The following NELL2 variants were observed in gnomAD, a reference collection of about 807,000 sequenced individuals.
NELL2 encodes the protein protein kinase C-binding protein NELL2.
NELL2 carries 41 observed loss-of-function variants against 109.6 expected under a neutral mutation model. The observed-to-expected ratio is 0.37, with a 90% CI of 0.29 to 0.49. NELL2 has a LOEUF of 0.49. Among genes scored for constraint, NELL2 ranks in the 20% least tolerant of loss-of-function variants. The pLI, the probability that NELL2 is intolerant of heterozygous loss-of-function variation, is 0.98. For synonymous variants in NELL2, 355 were observed against 344.7 expected, an observed-to-expected ratio of 1.03 and a Z score of -0.33; for missense variants, 900 against 1,008.3, an observed-to-expected ratio of 0.89 and a Z score of 1.45.
chr12:44,638,659 TG>T (rs1946736936), intron 13 of NELL2, among the ~76,000 whole-genome samples: 1 of 152,186 alleles, frequency 6.6e-6, no homozygotes, highest in African/African-American at 2.4e-5. Context: ...AACTCTTTTG[TG>T]GGTAAACTGA....
At chr12:44,509,645 G>C (rs907717448) in intron 19 of NELL2, among the ~76,000 whole-genome samples, 53 of 152,154 alleles carry the variant, frequency 3.5e-4, no homozygotes, top group African/African-American at 1.2e-3. Context: ...GGAGATACCA[G>C]ATCTGCCAGG....
Position 44,736,252 on chromosome 12 carries a change from G to A in NELL2, c.995-21511C>T, listed in dbSNP as rs545249376. Among the ~76,000 whole-genome samples, 349 of 151,748 alleles carry A rather than the reference G, an allele frequency of 2.3e-3. 1 individual carries two copies. The highest frequency in any genetic ancestry group is 4.0e-3 in the Non-Finnish European group (271 of 67,928). ...TCTCAATCTCCTGACCTCGTGATCC[G>A]CCCGTCTCGGCCTCCCAAAGTGCTG... On this transcript the variant is annotated intron_variant, in intron 9 of 19. Coordinates refer to ENST00000429094, the MANE Select transcript of NELL2 (RefSeq NM_001145108.2).
At chr12:44,523,167 A>G (rs1294269910) in intron 17 of NELL2, 124 bp downstream of exon 17, 2 of 936,782 alleles carry the variant, frequency 2.1e-6, no homozygotes, top group Admixed American at 4.0e-5. Context: ...GTTCTGTTAT[A>G]TTAATTGTGA....
intron 2 of NELL2, among the ~76,000 whole-genome samples, chr12:44,827,893 T>C (rs1592612597): frequency 6.6e-6 from 1 of 152,182 alleles, no homozygotes; most frequent in East Asian, 1.9e-4. Context: ...TCCAAACCAT[T>C]CTCCATAGTG....
intron 10 of NELL2, among the ~76,000 whole-genome samples, chr12:44,714,210 A>T (rs1478895361): frequency 6.6e-6 from 1 of 152,008 alleles, no homozygotes; most frequent in Non-Finnish European, 1.5e-5. Flanking sequence ...TTCCAAAGGG[A>T]ATTAGATAAA....
At chr12:44,605,393 C>G (rs1344890360) in intron 15 of NELL2, among the ~76,000 whole-genome samples, 1 of 152,104 alleles carries the variant, frequency 6.6e-6, no homozygotes, top group Non-Finnish European at 1.5e-5. Flanking sequence ...ATAAACAGTA[C>G]AACTAAATTT....
At chr12:44,884,040 T>C (rs758103424) in intron 1 of NELL2, among the ~76,000 whole-genome samples, 6 of 151,680 alleles carry the variant, frequency 4.0e-5, no homozygotes, top group Non-Finnish European at 8.8e-5. Context: ...CAGAAGGAAT[T>C]TGAAAAATAT....
intron 15 of NELL2, among the ~76,000 whole-genome samples, chr12:44,603,899 C>G (rs1404108215): frequency 1.3e-5 from 2 of 152,106 alleles, no homozygotes; most frequent in African/African-American, 4.8e-5. Context: ...TCAGTGATTC[C>G]ACTGTGATGG....
intron 15 of NELL2, among the ~76,000 whole-genome samples, chr12:44,606,251 T>C (rs765521357): frequency 6.6e-6 from 1 of 152,130 alleles, no homozygotes; most frequent in African/African-American, 2.4e-5. Flanking sequence ...AGCAGAACAT[T>C]TTCTGTCTCA....
At chr12:44,577,962 A>G (rs1944173283) in intron 15 of NELL2, among the ~76,000 whole-genome samples, 1 of 152,170 alleles carries the variant, frequency 6.6e-6, no homozygotes, top group Non-Finnish European at 1.5e-5. Context: ...TGAAGTCCTC[A>G]CATGCTATAG....
chr12:44,655,350 G>A (rs6582513), intron 13 of NELL2, among the ~76,000 whole-genome samples: 3,226 of 152,234 alleles, frequency 0.021, 126 homozygotes, highest in African/African-American at 0.073. Context: ...TAAAGGCTCT[G>A]ACAAGCCTAA....
At chr12:44,863,223 C>T (rs1479552004) in intron 2 of NELL2, among the ~76,000 whole-genome samples, 1 of 151,918 alleles carries the variant, frequency 6.6e-6, no homozygotes, top group Non-Finnish European at 1.5e-5. Flanking sequence ...TGTTAGTTTG[C>T]TGAGAATGAT....
intron 2 of NELL2, among the ~76,000 whole-genome samples, chr12:44,873,980 G>T (rs1945240728): frequency 6.6e-6 from 1 of 152,064 alleles, no homozygotes; most frequent in African/African-American, 2.4e-5. Flanking sequence ...TTTTAAGCCA[G>T]AAAATTGCAT....
At chr12:44,886,355 ACTT>A (rs1471214382) in intron 1 of NELL2, among the ~76,000 whole-genome samples, 1 of 151,932 alleles carries the variant, frequency 6.6e-6, no homozygotes, top group African/African-American at 2.4e-5. Flanking sequence ...AAAATTAAAA[ACTT>A]CTAGCTTTTT....
chr12:44,518,369 T>C (rs1283859320), intron 19 of NELL2, among the ~76,000 whole-genome samples: 3 of 151,966 alleles, frequency 2.0e-5, no homozygotes, highest in African/African-American at 7.3e-5. Flanking sequence ...CTCAGCCTCC[T>C]GAGTAGCTGG....
chr12:44,850,512 A>G (rs373574831), intron 2 of NELL2, among the ~76,000 whole-genome samples: 11 of 152,188 alleles, frequency 7.2e-5, no homozygotes, highest in Admixed American at 4.6e-4. Flanking sequence ...TTAAATTGTT[A>G]TAATTTAATT....
chr12:44,876,165 G>A lies in NELL2; in HGVS notation c.-296C>T. The A allele has an allele frequency of 8.0e-7, 1 of 1,257,648 alleles. No homozygotes were observed. Among genetic ancestry groups the A allele is most frequent in the Non-Finnish European group, 1.0e-6 (1 of 997,724 alleles). The allele number at this position is 1,257,648 out of a possible 1,614,324, so 77.9% of individuals were successfully genotyped here. A position where few individuals can be genotyped will look rare whatever the true frequency, so the allele number is the denominator to read the frequency against. ...GTCGGACTCGCCCCGGCGCGGCTCC[G>A]TCGGGGAATTAGCTCCCGAGCCGAA... On this transcript the variant is annotated 5_prime_UTR_variant, in exon 1 of 20. In the 5' UTR this introduces an upstream ATG that the reference lacks. Coordinates refer to ENST00000429094, the MANE Select transcript of NELL2 (RefSeq NM_001145108.2).
At chr12:44,665,698 T>G (rs993756743) in intron 12 of NELL2, 89 bp from the exon 13 acceptor site, 8 of 1,355,696 alleles carry the variant, frequency 5.9e-6, no homozygotes, top group Non-Finnish European at 7.9e-6. Flanking sequence ...AGGGAAGTAT[T>G]TACTAAATGA....
chr12:44,816,192 CT>C, intron 2 of NELL2, 56 bp from the exon 3 acceptor site: 1 of 1,421,302 alleles, frequency 7.0e-7, no homozygotes, highest in Non-Finnish European at 9.5e-7. Flanking sequence ...TATGAAGTAT[CT>C]TTTACATGTA....
Sources: allele counts gnomAD v4.1 joint callset (sites outside exome capture counted in the v4.1 genomes callset), GRCh38; gene constraint gnomAD v4.1.1; transcripts MANE v1.5; gene names NCBI Gene and HGNC (gene_info 2026-07-23, HGNC 2026-07-21).